ENTREP2: variants seen among roughly 807,000 people sequenced by gnomAD.
ENTREP2 encodes the protein protein ENTREP2.
At chr15:29,129,912 T>C in the ENTREP2 span, among the ~76,000 whole-genome samples, 1,217 of 152,290 alleles carry the variant, frequency 8.0e-3, 27 homozygotes, top group African/African-American at 0.028. Context: ...ATTTCAGAAT[T>C]GCTTTGGGGA....
the ENTREP2 span, among the ~76,000 whole-genome samples, chr15:29,125,538 G>A: frequency 2.6e-5 from 4 of 152,164 alleles, no homozygotes; most frequent in African/African-American, 9.7e-5. Context: ...ACTGAGCCAG[G>A]ACCCACTGCG....
chr15:29,394,743 C>T, the ENTREP2 span, among the ~76,000 whole-genome samples: 4 of 152,094 alleles, frequency 2.6e-5, no homozygotes, highest in African/African-American at 4.8e-5. Context: ...TTCCCTCCCC[C>T]ACTCTAGCCC....
the ENTREP2 span, among the ~76,000 whole-genome samples, chr15:29,392,363 G>A: frequency 2.7e-5 from 2 of 74,390 alleles, no homozygotes; most frequent in Non-Finnish European, 5.2e-5. Context: ...CCCCACCCCC[G>A]ACCCCGATTA....
the ENTREP2 span, chr15:29,381,848 T>C: frequency 2.4e-4 from 374 of 1,551,268 alleles, 1 homozygote; most frequent in African/African-American, 4.8e-3. Context: ...GGACAAAAGA[T>C]ACAGGAAGGT....
the ENTREP2 span, among the ~76,000 whole-genome samples, chr15:29,657,977 GA>G: frequency 0.057 from 8,670 of 152,230 alleles, 312 homozygotes; most frequent in African/African-American, 0.09. Flanking sequence ...ATTAATACGT[GA>G]AAGAAGTCAG....
chr15:29,439,562 GA>G, the ENTREP2 span, among the ~76,000 whole-genome samples: 1 of 152,142 alleles, frequency 6.6e-6, no homozygotes, highest in Non-Finnish European at 1.5e-5. Context: ...GAGGGAAACA[GA>G]AAGTCACCCC....
At chr15:29,571,323 G>A in the ENTREP2 span, among the ~76,000 whole-genome samples, 1 of 152,208 alleles carries the variant, frequency 6.6e-6, no homozygotes, top group Admixed American at 6.5e-5. Flanking sequence ...TAGCGGCAGC[G>A]GGCCAGCCGA....
the ENTREP2 span, among the ~76,000 whole-genome samples, chr15:29,240,137 C>T: frequency 2.0e-5 from 3 of 151,982 alleles, no homozygotes; most frequent in Admixed American, 2.0e-4. Context: ...CCGAGGCGGG[C>T]GGATCACCTG....
the ENTREP2 span, among the ~76,000 whole-genome samples, chr15:29,313,350 A>G: frequency 2.0e-5 from 3 of 152,228 alleles, no homozygotes; most frequent in Non-Finnish European, 4.4e-5. Context: ...TCATAGCTAA[A>G]GAGGGAAAGA....
the ENTREP2 span, among the ~76,000 whole-genome samples, chr15:29,308,147 T>C: frequency 6.6e-6 from 1 of 152,088 alleles, no homozygotes; most frequent in Non-Finnish European, 1.5e-5. Flanking sequence ...CAATTACTCC[T>C]AACAGGAATT....
chr15:29,552,506 G>T, the ENTREP2 span, among the ~76,000 whole-genome samples: 16 of 152,004 alleles, frequency 1.1e-4, no homozygotes, highest in Non-Finnish European at 2.1e-4. Flanking sequence ...GGCCAAGGTG[G>T]GAGGATCACT....
chr15:29,422,661 T>C, the ENTREP2 span, among the ~76,000 whole-genome samples: 1 of 152,190 alleles, frequency 6.6e-6, no homozygotes, highest in African/African-American at 2.4e-5. Context: ...CTCTACCATC[T>C]CACCTACAAA....
the ENTREP2 span, among the ~76,000 whole-genome samples, chr15:29,657,307 A>G: frequency 2.0e-5 from 3 of 151,172 alleles, no homozygotes; most frequent in South Asian, 4.2e-4. Context: ...TGATCCACCT[A>G]CCTCAGCCTC....
the ENTREP2 span, among the ~76,000 whole-genome samples, chr15:29,309,332 C>T: frequency 1.3e-5 from 2 of 152,144 alleles, no homozygotes; most frequent in Non-Finnish European, 2.9e-5. Flanking sequence ...ACCACTGTCG[C>T]GGTAATTAGT....
At chr15:29,489,779 C>A in the ENTREP2 span, among the ~76,000 whole-genome samples, 1 of 152,138 alleles carries the variant, frequency 6.6e-6, no homozygotes, top group African/African-American at 2.4e-5. Flanking sequence ...CAAAGCTAGG[C>A]ACATTTGCAC....
chr15:29,479,842 T>A, the ENTREP2 span, among the ~76,000 whole-genome samples: 11 of 151,828 alleles, frequency 7.2e-5, no homozygotes, highest in South Asian at 6.2e-4. Context: ...GGATGTGAGG[T>A]CTGGAATTGT....
the ENTREP2 span, among the ~76,000 whole-genome samples, chr15:29,251,958 A>C: frequency 6.6e-6 from 1 of 152,188 alleles, no homozygotes; most frequent in Non-Finnish European, 1.5e-5. Flanking sequence ...GTTTTGATAT[A>C]TTCGTCATCC....
At chr15:29,277,426 T>C in the ENTREP2 span, among the ~76,000 whole-genome samples, 89 of 152,002 alleles carry the variant, frequency 5.9e-4, 1 homozygote, top group Non-Finnish European at 6.2e-4. Flanking sequence ...ATTTGGAATA[T>C]AAATTAAAGC....
At chr15:29,163,076 G>A in the ENTREP2 span, among the ~76,000 whole-genome samples, 3 of 152,064 alleles carry the variant, frequency 2.0e-5, no homozygotes, top group African/African-American at 7.2e-5. Context: ...CACTGCAGTT[G>A]GGCTCACAGG....
Sources: allele counts gnomAD v4.1 joint callset (sites outside exome capture counted in the v4.1 genomes callset), GRCh38; gene constraint gnomAD v4.1.1; transcripts MANE v1.5; gene names NCBI Gene and HGNC (gene_info 2026-07-23, HGNC 2026-07-21).